CACNA1C: variants seen among roughly 807,000 people sequenced by gnomAD.
The protein encoded by CACNA1C is calcium voltage-gated channel subunit alpha1 C.
Under a neutral mutation model 229.0 loss-of-function variants are expected in CACNA1C, and 30 were observed. The observed-to-expected ratio is 0.13, with a 90% CI of 0.10 to 0.18. The LOEUF (loss-of-function observed/expected upper bound fraction) is 0.18, where lower values mean the gene tolerates loss of function less well. CACNA1C is among the 10% of genes least tolerant of loss of function. CACNA1C has a pLI of 1.00. For synonymous variants in CACNA1C, 1,114 were observed against 1,132.5 expected, an observed-to-expected ratio of 0.98 and a Z score of 0.33; for missense variants, 1,658 against 2,845.0, an observed-to-expected ratio of 0.58 and a Z score of 9.49.
At chr12:2,157,594 G>A (rs571703978) in intron 3 of CACNA1C, among the ~76,000 whole-genome samples, 1 of 152,224 alleles carries the variant, frequency 6.6e-6, no homozygotes, top group Non-Finnish European at 1.5e-5. Context: ...CCCTAAGGGG[G>A]CCCTAAGATC....
At chr12:2,627,166 G>A (rs780676182) in intron 29 of CACNA1C, among the ~76,000 whole-genome samples, 1 of 152,118 alleles carries the variant, frequency 6.6e-6, no homozygotes, top group Non-Finnish European at 1.5e-5. Context: ...GTGTCTTGGG[G>A]TGCTTCTGAA....
chr12:2,162,267 C>T (rs118139921), intron 3 of CACNA1C, among the ~76,000 whole-genome samples: 3,528 of 151,952 alleles, frequency 0.023, 64 homozygotes, highest in Middle Eastern at 0.055. Context: ...CCCTCCCATT[C>T]GAGGCCTCCC....
At chr12:2,014,403 A>G (rs1304627585) in intron 1 of CACNA1C, among the ~76,000 whole-genome samples, 1 of 152,140 alleles carries the variant, frequency 6.6e-6, no homozygotes, top group Admixed American at 6.5e-5. Context: ...TTCGCTTATG[A>G]GATAACCTTT....
intron 1 of CACNA1C, among the ~76,000 whole-genome samples, chr12:2,098,479 G>A (rs894463253): frequency 1.3e-5 from 2 of 152,184 alleles, no homozygotes; most frequent in African/African-American, 4.8e-5. Flanking sequence ...TGTTTTTAGT[G>A]TGTACATATG....
intron 34 of CACNA1C, 49 bp downstream of exon 34, chr12:2,655,287 T>A: frequency 8.8e-7 from 1 of 1,131,644 alleles, no homozygotes; most frequent in Non-Finnish European, 1.3e-6. Flanking sequence ...ACCTGCATGG[T>A]GCCACACTGT....
intron 9 of CACNA1C, among the ~76,000 whole-genome samples, chr12:2,541,948 G>A (rs1204496782): frequency 6.6e-6 from 1 of 152,128 alleles, no homozygotes; most frequent in Admixed American, 6.5e-5. Flanking sequence ...GCTCCGAGAC[G>A]GGGGCCTCAG....
Position 2,285,085 on chromosome 12 carries a change from G to A in CACNA1C, c.478-163891G>A, listed in dbSNP as rs968766343. 2.5e-4 allele frequency among the ~76,000 whole-genome samples: 38 copies of A among 152,156 alleles called. No individual in the cohort carries two copies. Among genetic ancestry groups the A allele is most frequent in the African/African-American group, 4.8e-4 (20 of 41,434 alleles). Reference sequence around the variant, plus strand: ...TCTCCTGCTCTCTGGGAGGAGGGACGGGCCGCTAAGTGCTGACGGCAGCCT... The same window carrying A: ...TCTCCTGCTCTCTGGGAGGAGGGACAGGCCGCTAAGTGCTGACGGCAGCCT... On this transcript the variant is annotated intron_variant, in intron 3 of 46. Coordinates refer to ENST00000399655, the MANE Select transcript of CACNA1C (RefSeq NM_000719.7). This position sits in a 1 kb window ranked among gnomAD's most constrained non-coding sequence, Gnocchi z 4.2.
chr12:2,255,674 G>C (rs973307234), intron 3 of CACNA1C, among the ~76,000 whole-genome samples: 1 of 152,242 alleles, frequency 6.6e-6, no homozygotes, highest in Non-Finnish European at 1.5e-5. Context: ...CTGGAAGGAA[G>C]GGCAGTGTTT....
intron 3 of CACNA1C, among the ~76,000 whole-genome samples, chr12:2,402,832 G>A (rs932495874): frequency 1.5e-4 from 23 of 152,078 alleles, no homozygotes; most frequent in Admixed American, 3.9e-4. Flanking sequence ...CTAGAACATC[G>A]CTCCCTTCAA....
rs201363709 is a variant in CACNA1C, at chr12:2,310,352, A to AAAAAAAATATAT, written c.478-138623_478-138622insAAAAAATATATA. Among the ~76,000 whole-genome samples the AAAAAAAATATAT allele has an allele frequency of 2.9e-5, 4 of 139,842 alleles. No homozygotes were observed. The South Asian group carries it at 9.7e-4, about 34-fold the overall frequency. The allele number at this position is 139,842 out of a possible 152,430, so 91.7% of individuals were successfully genotyped here. A position where few individuals can be genotyped will look rare whatever the true frequency, so the allele number is the denominator to read the frequency against. ...CCTCTGCCTCCCAGTTAAAAAAAAA[A>AAAAAAAATATAT]ATATATATATATATATATATGTATG... On this transcript the variant is annotated intron_variant, in intron 3 of 46. Coordinates refer to ENST00000399655, the MANE Select transcript of CACNA1C (RefSeq NM_000719.7).
chr12:2,277,570 C>A (rs954410783), intron 3 of CACNA1C, among the ~76,000 whole-genome samples: 1 of 152,184 alleles, frequency 6.6e-6, no homozygotes, highest in East Asian at 1.9e-4. Flanking sequence ...ACAGTGGGGT[C>A]CACCCCACCC....
chr12:2,423,980 C>T (rs1034093131), intron 3 of CACNA1C, among the ~76,000 whole-genome samples: 1 of 152,124 alleles, frequency 6.6e-6, no homozygotes, highest in African/African-American at 2.4e-5. Context: ...CTCGTGCTCC[C>T]TCCCGCTCCC....
chr12:2,662,085 AC>A (rs2095783786), intron 34 of CACNA1C, among the ~76,000 whole-genome samples: 1 of 152,138 alleles, frequency 6.6e-6, no homozygotes, highest in African/African-American at 2.4e-5. Context: ...TACTAAAAAT[AC>A]AAAAAATTAG....
chr12:2,586,860 T>G (rs1297282354), intron 18 of CACNA1C, among the ~76,000 whole-genome samples: 1 of 152,162 alleles, frequency 6.6e-6, no homozygotes, highest in African/African-American at 2.4e-5. Context: ...TCCTGGAGCT[T>G]GGATAGAAAG....
At chr12:2,541,054 T>C (rs1287686898) in intron 9 of CACNA1C, among the ~76,000 whole-genome samples, 1 of 152,156 alleles carries the variant, frequency 6.6e-6, no homozygotes, top group Non-Finnish European at 1.5e-5. Flanking sequence ...TCGTCTTCCC[T>C]CTGTACCTGT....
chr12:2,072,317 G>A (rs1038025195), intron 1 of CACNA1C, among the ~76,000 whole-genome samples: 3 of 152,090 alleles, frequency 2.0e-5, no homozygotes, highest in Non-Finnish European at 4.4e-5. Context: ...TCCTGCCCCA[G>A]CCTCCTGAGT....
intron 1 of CACNA1C, among the ~76,000 whole-genome samples, chr12:2,068,119 C>T (rs1188215975): frequency 6.6e-6 from 1 of 152,132 alleles, no homozygotes; most frequent in African/African-American, 2.4e-5. Flanking sequence ...CCTTGATTTC[C>T]CTGTAATCAA....
chr12:2,120,550 T>C (rs934751539), intron 3 of CACNA1C, 120 bp downstream of exon 3: 4 of 728,472 alleles, frequency 5.5e-6, no homozygotes, highest in Admixed American at 2.1e-5. Context: ...GCAGGAGCCC[T>C]GCAGAGCTCA....
chr12:2,425,075 C>T (rs1420286499), intron 3 of CACNA1C, among the ~76,000 whole-genome samples: 2 of 152,278 alleles, frequency 1.3e-5, no homozygotes, highest in African/African-American at 4.8e-5. Context: ...CAGGCCCTGG[C>T]TGTCACATTC....
Sources: gnomAD v4.1 joint callset for allele counts (sites outside exome capture counted in the v4.1 genomes callset) on GRCh38, gnomAD v4.1.1 for gene constraint, Gnocchi (gnomAD v3.1) non-coding constraint, MANE v1.5 for transcripts, NCBI Gene and HGNC (gene_info 2026-07-23, HGNC 2026-07-21) for gene names.